SHROOM3: variants seen among roughly 807,000 people sequenced by gnomAD.
The protein encoded by SHROOM3 is protein Shroom3.
A neutral mutation model predicts 138.6 loss-of-function variants in SHROOM3; 47 were observed. The ratio of observed to expected loss-of-function variants is 0.34; its 90% CI spans 0.27 to 0.43. The LOEUF (loss-of-function observed/expected upper bound fraction) is 0.43. SHROOM3 is among the 20% of genes least tolerant of loss of function. SHROOM3 has a pLI of 1.00. For synonymous variants in SHROOM3, 1,062 were observed against 1,063.3 expected (o/e 1.00, Z 0.02); for missense variants, 2,491 against 2,596.5 (o/e 0.96, Z 0.88).
intron 1 of SHROOM3, among the ~76,000 whole-genome samples, chr4:76,494,727 A>G (rs1317130479): frequency 1.3e-5 from 2 of 152,168 alleles, no homozygotes; most frequent in Non-Finnish European, 2.9e-5. Flanking sequence ...CCTGAGGGTG[A>G]GTAGTGGGAG....
At chr4:76,721,359 A>G (rs894746655) in intron 3 of SHROOM3, among the ~76,000 whole-genome samples, 1 of 152,200 alleles carries the variant, frequency 6.6e-6, no homozygotes, top group African/African-American at 2.4e-5. Context: ...CATAGAAAAC[A>G]CTATGTGGAC....
intron 2 of SHROOM3, among the ~76,000 whole-genome samples, chr4:76,679,915 T>A (rs1021782228): frequency 6.6e-6 from 1 of 152,190 alleles, no homozygotes; most frequent in African/African-American, 2.4e-5. Context: ...GTCACCTAGA[T>A]CACATGTCTT....
At chr4:76,717,159 C>G (rs1164377529) in intron 3 of SHROOM3, among the ~76,000 whole-genome samples, 1 of 152,152 alleles carries the variant, frequency 6.6e-6, no homozygotes, top group Non-Finnish European at 1.5e-5. Flanking sequence ...CAATCTTTTA[C>G]TCCACTCTCT....
chr4:76,683,387 C>A (rs1719252944), intron 2 of SHROOM3, among the ~76,000 whole-genome samples: 1 of 152,056 alleles, frequency 6.6e-6, no homozygotes, highest in African/African-American at 2.4e-5. Context: ...CGCACAAATT[C>A]TCATTCATAG....
intron 2 of SHROOM3, among the ~76,000 whole-genome samples, chr4:76,617,938 C>T (rs1223080976): frequency 6.6e-6 from 1 of 152,238 alleles, no homozygotes; most frequent in East Asian, 1.9e-4. Flanking sequence ...ACATCTATCT[C>T]CACATTGGTA....
intron 9 of SHROOM3, among the ~76,000 whole-genome samples, chr4:76,764,270 A>AT (rs1722078724): frequency 1.3e-5 from 2 of 152,196 alleles, no homozygotes; most frequent in Non-Finnish European, 2.9e-5. Flanking sequence ...AGAGCTGTCA[A>AT]TTTTTTGGCT....
chr4:76,710,945 G>C (rs1316320490), intron 3 of SHROOM3, among the ~76,000 whole-genome samples: 1 of 152,154 alleles, frequency 6.6e-6, no homozygotes, highest in African/African-American at 2.4e-5. Context: ...CAATGCCTCA[G>C]CATCAGCACA....
Position 76,710,296 on chromosome 4 carries a change from C to A in SHROOM3, c.455+9C>A. Reference sequence around the variant, plus strand: ...CTTCGGCTGAAGCACAGGTAAGACGCACGGAAGTTGGTGCTGGCAGTTCGG... The same window carrying A: ...CTTCGGCTGAAGCACAGGTAAGACGAACGGAAGTTGGTGCTGGCAGTTCGG... On this transcript the variant is annotated intron_variant, in intron 3 of 10. Coordinates refer to ENST00000296043, the MANE Select transcript of SHROOM3 (RefSeq NM_020859.4). 1 of 1,613,794 alleles carries A rather than the reference C, an allele frequency of 6.2e-7. No homozygotes were observed. Among genetic ancestry groups the A allele is most frequent in the Non-Finnish European group, 8.5e-7 (1 of 1,179,864 alleles).
At chr4:76,444,589 C>T (rs1024465269) in intron 1 of SHROOM3, among the ~76,000 whole-genome samples, 1 of 148,226 alleles carries the variant, frequency 6.7e-6, no homozygotes, top group African/African-American at 2.5e-5. Context: ...CTCCACCTCC[C>T]GGGTTCAAGC....
intron 2 of SHROOM3, among the ~76,000 whole-genome samples, chr4:76,598,026 CTTTT>C (rs11307449): frequency 1.5e-5 from 2 of 137,664 alleles, no homozygotes. Context: ...AAATCTATGA[CTTTT>C]TTTTTTTTTT....
intron 1 of SHROOM3, among the ~76,000 whole-genome samples, chr4:76,550,634 G>A (rs1206927213): frequency 1.3e-5 from 2 of 152,138 alleles, no homozygotes; most frequent in Non-Finnish European, 2.9e-5. Context: ...GAGACAGTAT[G>A]GAGAGATGTG....
chr4:76,492,282 G>T (rs1731869773), intron 1 of SHROOM3, among the ~76,000 whole-genome samples: 1 of 152,190 alleles, frequency 6.6e-6, no homozygotes, highest in Non-Finnish European at 1.5e-5. Context: ...CTCAGTGATG[G>T]ATGTGCACTA....
chr4:76,747,439 A>G (rs757337487), intron 5 of SHROOM3, among the ~76,000 whole-genome samples: 1 of 152,204 alleles, frequency 6.6e-6, no homozygotes, highest in Non-Finnish European at 1.5e-5. Flanking sequence ...GATTCAGAGA[A>G]TTCTCTCAAT....
At chr4:76,761,822 C>T (rs1011821929) in intron 9 of SHROOM3, among the ~76,000 whole-genome samples, 9 of 152,156 alleles carry the variant, frequency 5.9e-5, no homozygotes, top group African/African-American at 1.7e-4. Flanking sequence ...AAACCCCACT[C>T]AGGGTGGAAG....
At chr4:76,500,892 A>G (rs1328062544) in intron 1 of SHROOM3, among the ~76,000 whole-genome samples, 1 of 151,998 alleles carries the variant, frequency 6.6e-6, no homozygotes, top group Admixed American at 6.6e-5. Flanking sequence ...CTGTAACTTC[A>G]AACTCCTTGG....
intron 2 of SHROOM3, among the ~76,000 whole-genome samples, chr4:76,630,652 C>A (rs928364713): frequency 1.3e-5 from 2 of 152,218 alleles, no homozygotes; most frequent in African/African-American, 4.8e-5. Context: ...AAAAGTGATT[C>A]TTTTCCTGTT....
intron 2 of SHROOM3, among the ~76,000 whole-genome samples, chr4:76,668,425 T>C (rs1301534784): frequency 6.6e-6 from 1 of 151,872 alleles, no homozygotes; most frequent in African/African-American, 2.4e-5. Context: ...CAACAAAAAT[T>C]AGCCGGACGT....
At chr4:76,494,590 A>G (rs1436551461) in intron 1 of SHROOM3, among the ~76,000 whole-genome samples, 1 of 152,230 alleles carries the variant, frequency 6.6e-6, no homozygotes, top group Non-Finnish European at 1.5e-5. Flanking sequence ...ATCAGGCGGA[A>G]CATACTGATA....
At chr4:76,756,336 G>A in intron 7 of SHROOM3, 113 bp from the exon 8 acceptor site, 2 of 1,256,328 alleles carry the variant, frequency 1.6e-6, no homozygotes, top group Middle Eastern at 2.7e-4. Flanking sequence ...CTACAGCCCT[G>A]ATGTGGAAAG....
Sources: allele counts gnomAD v4.1 joint callset (sites outside exome capture counted in the v4.1 genomes callset), GRCh38; gene constraint gnomAD v4.1.1; transcripts MANE v1.5; gene names NCBI Gene and HGNC (gene_info 2026-07-23, HGNC 2026-07-21).